MAP2: variants seen among roughly 807,000 people sequenced by gnomAD.
The protein encoded by MAP2 is microtubule associated protein 2.
MAP2 carries 14 observed loss-of-function variants against 137.6 expected under a neutral mutation model. That is an observed-to-expected ratio of 0.10 (90% CI 0.07 to 0.16). MAP2 has a LOEUF of 0.16. MAP2 is among the 10% of genes least tolerant of loss of function. The pLI is 1.00. For missense variants in MAP2, 2,088 were observed against 2,191.5 expected (o/e 0.95, Z 0.94); for synonymous variants, 786 against 782.3 (o/e 1.00, Z -0.08).
In MAP2 at chr2:209,733,657, AATACTAGAG is replaced by A. The variant is rs1365763853; in HGVS notation, c.*3264_*3272del. On this transcript the variant is annotated 3_prime_UTR_variant, in exon 16 of 16. Transcript: ENST00000682079. ...AGGAAAATAAACTACTCATGGTCTA[AATACTAGAG>A]ATAAAGTAGATTCATGGCTTGGTAA... The A allele has an allele frequency of 2.4e-4, 37 of 152,312 alleles. No homozygotes were observed. The highest frequency in any genetic ancestry group is 1.5e-3 in the Admixed American group (23 of 15,282). 9.4% of individuals were successfully genotyped at this position (152,312 alleles called of 1,614,324 possible).
chr2:209,610,288 G>A (rs2086370070), intron 3 of MAP2, among the ~76,000 whole-genome samples: 1 of 152,084 alleles, frequency 6.6e-6, no homozygotes, highest in African/African-American at 2.4e-5. Flanking sequence ...GAGGGTAGGG[G>A]AAGCATGTGT....
intron 1 of MAP2, among the ~76,000 whole-genome samples, chr2:209,456,975 A>G (rs542903564): frequency 7.2e-5 from 11 of 152,106 alleles, no homozygotes; most frequent in African/African-American, 2.6e-4. Flanking sequence ...ACACACACAC[A>G]TGTACACACA....
chr2:209,636,408 G>A lies in MAP2; in HGVS notation c.-30+11279G>A, dbSNP rs116218194. ...TGGCCTACTGGGAAGCAGTGTGTAAGCCTTTTTGTTTTGAGCCTGTGTGTT... is the reference window on the plus strand; with the variant it reads ...TGGCCTACTGGGAAGCAGTGTGTAAACCTTTTTGTTTTGAGCCTGTGTGTT... On this transcript the variant is annotated intron_variant, in intron 4 of 15. Transcript: ENST00000682079. 2.9e-3 allele frequency among the ~76,000 whole-genome samples: 442 copies of A among 152,190 alleles called. 3 individuals carry two copies. Among genetic ancestry groups the A allele is most frequent in the African/African-American group, 0.01 (433 of 41,530 alleles).
At chr2:209,604,899 C>G (rs1042284189) in intron 3 of MAP2, among the ~76,000 whole-genome samples, 2 of 152,044 alleles carry the variant, frequency 1.3e-5, no homozygotes, top group Non-Finnish European at 2.9e-5. Flanking sequence ...ATTCTAATGG[C>G]CTCCCCATAA....
chr2:209,722,661 C>G (rs2071702979), intron 13 of MAP2, among the ~76,000 whole-genome samples: 1 of 152,122 alleles, frequency 6.6e-6, no homozygotes, highest in South Asian at 2.1e-4. Context: ...CCAAAAGATG[C>G]AAGGTTCAAA....
intron 6 of MAP2, 140 bp downstream of exon 6, chr2:209,678,825 G>A: frequency 2.3e-6 from 1 of 443,702 alleles, no homozygotes; most frequent in South Asian, 4.2e-5. Flanking sequence ...GACTGGGTAT[G>A]CACTAGGACC....
intron 1 of MAP2, among the ~76,000 whole-genome samples, chr2:209,479,693 A>G (rs1329634777): frequency 6.6e-6 from 1 of 152,180 alleles, no homozygotes; most frequent in Admixed American, 6.5e-5. Context: ...GGCTTGAGAT[A>G]GAAAATAGCA....
chr2:209,434,362 T>C (rs1334962158), intron 1 of MAP2, among the ~76,000 whole-genome samples: 1 of 152,044 alleles, frequency 6.6e-6, no homozygotes, highest in Non-Finnish European at 1.5e-5. Flanking sequence ...ATTTCCAAAA[T>C]ATCACATAAT....
chr2:209,543,510 G>C (rs780901843), intron 2 of MAP2, among the ~76,000 whole-genome samples: 8 of 152,170 alleles, frequency 5.3e-5, no homozygotes, highest in African/African-American at 7.2e-5. Context: ...GTGCAGTAAA[G>C]CAAAGTGCAA....
In MAP2 at chr2:209,705,620, C is replaced by G; in HGVS notation, c.4625C>G (p.Pro1542Arg). ...TKSPEKRSSL[P>R]RPSSILPPRR... ...AGCCCAGAAAAGCGCTCTTCTCTCC[C>G]AAGACCTTCCTCCATTCTCCCTCCT... Residue 1542 changes from proline (P) to arginine (R), a missense_variant, in exon 12 of 16, where the codon CCA becomes CGA. Physicochemically the swap from Pro to Arg is moderately radical, Grantham distance 103 (BLOSUM62 -2). This residue lies in a region of MAP2 where 591 missense variants were observed against 642.6 expected (regional missense o/e 0.92). Transcript: ENST00000682079. 1 of 1,612,852 alleles carries G rather than the reference C, an allele frequency of 6.2e-7. No individual in the cohort carries two copies. Among genetic ancestry groups the G allele is most frequent in the South Asian group, 1.1e-5 (1 of 90,998 alleles).
At chr2:209,596,356 C>T (rs959218278) in intron 3 of MAP2, among the ~76,000 whole-genome samples, 5 of 152,176 alleles carry the variant, frequency 3.3e-5, no homozygotes, top group Admixed American at 6.6e-5. Context: ...AAGCACACCA[C>T]GTGAATGTAT....
intron 3 of MAP2, among the ~76,000 whole-genome samples, chr2:209,596,129 A>G (rs1047297621): frequency 3.3e-5 from 5 of 152,212 alleles, no homozygotes; most frequent in Non-Finnish European, 5.9e-5. Flanking sequence ...GAAAAAAAAG[A>G]AAATAAAAAT....
At chr2:209,428,382 T>A (rs1185326470) in intron 1 of MAP2, among the ~76,000 whole-genome samples, 1 of 84,868 alleles carries the variant, frequency 1.2e-5, no homozygotes, top group Non-Finnish European at 2.2e-5. Flanking sequence ...GGCAAATTTC[T>A]TTTTTTTTTT....
intron 1 of MAP2, among the ~76,000 whole-genome samples, chr2:209,499,916 C>T (rs1387066265): frequency 6.6e-6 from 1 of 152,146 alleles, no homozygotes; most frequent in Non-Finnish European, 1.5e-5. Flanking sequence ...TCCCTCCAGG[C>T]CCCACCTCCA....
At chr2:209,528,788 A>C (rs1487982542) in intron 2 of MAP2, among the ~76,000 whole-genome samples, 3 of 148,178 alleles carry the variant, frequency 2.0e-5, no homozygotes, top group African/African-American at 7.8e-5. Context: ...ATATGTATGT[A>C]TATATGTACA....
intron 5 of MAP2, among the ~76,000 whole-genome samples, chr2:209,657,882 G>A (rs1323612916): frequency 6.6e-6 from 1 of 152,026 alleles, no homozygotes; most frequent in African/African-American, 2.4e-5. Flanking sequence ...TTTTTTCTAG[G>A]ATTTTTATAG....
In MAP2 at chr2:209,694,615, A is replaced by G. The variant is rs1289944739; in HGVS notation, c.2445A>G (p.Thr815=). Residue 815 remains threonine (T), a synonymous_variant, in exon 8 of 16, where the codon ACA becomes ACG. Coordinates refer to ENST00000682079, the MANE Select transcript of MAP2 (RefSeq NM_001375505.1). ...CTGAAATGCTAGATCTGGCAGGCAC[A>G]AGGTCAAGATTGGCTTCTGTGAGTG... ...DLPEMLDLAG[T]RSRLASVSAD... is the part of the protein sequence containing the mutation. 4.3e-6 allele frequency: 7 copies of G among 1,613,996 alleles called. No homozygotes were observed. The Admixed American group carries it at 5.0e-5, about 12-fold the overall frequency.
At chr2:209,428,703 C>T (rs966922744) in intron 1 of MAP2, among the ~76,000 whole-genome samples, 4 of 151,848 alleles carry the variant, frequency 2.6e-5, no homozygotes, top group African/African-American at 9.7e-5. Flanking sequence ...TTTCTTTGAA[C>T]TTGGCTTTTA....
chr2:209,529,016 G>A (rs576957623), intron 2 of MAP2, among the ~76,000 whole-genome samples: 2 of 151,350 alleles, frequency 1.3e-5, no homozygotes, highest in South Asian at 4.2e-4. Flanking sequence ...TTTTTCTCTG[G>A]GGAAGACCAA....
Sources: allele counts gnomAD v4.1 joint callset (sites outside exome capture counted in the v4.1 genomes callset), GRCh38; gene constraint gnomAD v4.1.1; regional missense constraint gnomAD v4.1.1; transcripts MANE v1.5; gene names NCBI Gene and HGNC (gene_info 2026-07-23, HGNC 2026-07-21).